Variants in SATB1 observed in about 807,000 individuals in gnomAD.
SATB1 encodes the protein DNA-binding protein SATB1.
Under a neutral mutation model 86.9 loss-of-function variants are expected in SATB1, and 11 were observed. That is an observed-to-expected ratio of 0.13 (90% CI 0.08 to 0.21). The LOEUF (loss-of-function observed/expected upper bound fraction) is 0.21, where lower values mean the gene tolerates loss of function less well. Ranked by LOEUF, SATB1 falls within the 10% of genes least tolerant of loss-of-function variation. The pLI is 1.00. For synonymous variants in SATB1, 357 were observed against 357.2 expected (o/e 1.00, Z 0.01); for missense variants, 551 against 937.6 (o/e 0.59, Z 5.39).
At chr3:18,398,679 T>C (rs1697088326) in intron 5 of SATB1, among the ~76,000 whole-genome samples, 1 of 152,166 alleles carries the variant, frequency 6.6e-6, no homozygotes, top group Non-Finnish European at 1.5e-5. Context: ...TGGAGTCGCA[T>C]TATTTATGTA....
upstream of SATB1, among the ~76,000 whole-genome samples, chr3:18,439,688 G>A (rs550074869): frequency 2.6e-5 from 4 of 152,134 alleles, no homozygotes; most frequent in Non-Finnish European, 5.9e-5. Flanking sequence ...GATGTCAGTG[G>A]AATATGTGAC....
rs367806775 is a variant in SATB1 at position 18,359,657 on chromosome 3, T to C, written c.1576-7462A>G. On this transcript the variant is annotated intron_variant, in intron 9 of 10. Transcript: ENST00000338745. The stretch of plus-strand genomic sequence containing the variant: ...CTTGAATAAGGACTCTGAAAAAAAA[T>C]GTTCCCGTTTTTTTTCTCGTCAGCC... Among the ~76,000 whole-genome samples the C allele has an allele frequency of 3.0e-4, 45 of 152,006 alleles. 1 individual carries two copies. The highest frequency in any genetic ancestry group is 1.0e-3 in the African/African-American group (43 of 41,448).
At chr3:18,393,531 C>T (rs1696801360) in intron 7 of SATB1, among the ~76,000 whole-genome samples, 1 of 152,082 alleles carries the variant, frequency 6.6e-6, no homozygotes. Flanking sequence ...TCTCCATGAC[C>T]CTCTTAAACA....
intron 2 of SATB1, among the ~76,000 whole-genome samples, chr3:18,433,143 A>G (rs1468806204): frequency 6.6e-6 from 1 of 152,206 alleles, no homozygotes; most frequent in Non-Finnish European, 1.5e-5. Context: ...AGCCAAAAAA[A>G]GAGAAAGGCG....
At chr3:18,351,503 A>T in intron 10 of SATB1, 1 of 864,686 alleles carries the variant, frequency 1.2e-6, no homozygotes, top group East Asian at 2.7e-5. Flanking sequence ...GGAAGGGCCA[A>T]GGACTGTAAG....
At chr3:18,420,728 T>C in intron 2 of SATB1, 29 bp downstream of exon 2, 1 of 1,596,652 alleles carries the variant, frequency 6.3e-7, no homozygotes, top group Non-Finnish European at 8.6e-7. Flanking sequence ...GGCTTTCAGC[T>C]TTTCAAGATT....
rs74948346 is a variant in SATB1, at chr3:18,367,200, A to T, written c.1575+10970T>A. On this transcript the variant is annotated intron_variant, in intron 9 of 10. Transcript: ENST00000338745. ...TGATGCAATTCATGTACAAGTTGTTAGGTAAAACATCGGTGAGTTTGCAAA... is the reference window on the plus strand; with the variant it reads ...TGATGCAATTCATGTACAAGTTGTTTGGTAAAACATCGGTGAGTTTGCAAA... 2.9e-3 allele frequency among the ~76,000 whole-genome samples: 445 copies of T among 152,328 alleles called. 2 individuals carry two copies. Among genetic ancestry groups the T allele is most frequent in the African/African-American group, 0.01 (429 of 41,574 alleles).
chr3:18,426,071 A>G (rs557555707), upstream of SATB1, among the ~76,000 whole-genome samples: 17 of 151,764 alleles, frequency 1.1e-4, no homozygotes, highest in Admixed American at 1.1e-3. This position sits in a 1 kb window ranked among gnomAD's most constrained non-coding sequence, Gnocchi z 4.2. Flanking sequence ...AGCCATCAGG[A>G]AGTGGCTGGA....
At chr3:18,387,778 A>G (rs1332774951) in intron 7 of SATB1, among the ~76,000 whole-genome samples, 1 of 152,190 alleles carries the variant, frequency 6.6e-6, no homozygotes. Flanking sequence ...CTGCAGAAAC[A>G]GTTAAAGGTA....
chr3:18,429,371 T>C (rs1219539478), upstream of SATB1, among the ~76,000 whole-genome samples: 1 of 152,222 alleles, frequency 6.6e-6, no homozygotes, highest in Non-Finnish European at 1.5e-5. This position sits in a 1 kb window ranked among gnomAD's most constrained non-coding sequence, Gnocchi z 4.1. Context: ...AAATGCAATA[T>C]CCTGTAAACA....
At chr3:18,439,716 G>A (rs894648240), upstream of SATB1, among the ~76,000 whole-genome samples, 1 of 152,190 alleles carries the variant, frequency 6.6e-6, no homozygotes, top group African/African-American at 2.4e-5. Context: ...TGATAACTGT[G>A]TATAGACAGT....
At position 18,349,272 on chromosome 3, in the gene SATB1, C is replaced by T. The variant is rs749399861; in HGVS notation, c.2190G>A (p.Glu730=). 1.2e-6 allele frequency: 2 copies of T among 1,614,244 alleles called. No individual in the cohort carries two copies. The highest frequency in any genetic ancestry group is 8.5e-7 in the Non-Finnish European group (1 of 1,180,044). ...KEEELLKDLE[E]SVQDKNTNTL... is the part of the protein sequence containing the mutation. ...TGTTAGTATTTTTATCTTGGACACT[C>T]TCTTCCAAATCCTTCAGCAGCTCCT... is the stretch of plus-strand genomic sequence containing the variant. Residue 730 remains glutamate (E), a synonymous_variant, in exon 11 of 11, where the codon GAG becomes GAA. Transcript: ENST00000338745. This position sits in a 1 kb window ranked among gnomAD's most constrained non-coding sequence, Gnocchi z 5.5.
upstream of SATB1, among the ~76,000 whole-genome samples, chr3:18,428,066 T>G (rs1698768230): frequency 6.6e-6 from 1 of 152,242 alleles, no homozygotes; most frequent in Non-Finnish European, 1.5e-5. Flanking sequence ...TGTCTTAGTC[T>G]GTTTTCTGTT....
chr3:18,421,543 C>T (rs1018130346), intron 1 of SATB1, among the ~76,000 whole-genome samples: 11 of 151,928 alleles, frequency 7.2e-5, no homozygotes, highest in African/African-American at 2.7e-4. Flanking sequence ...TTTTAAACTC[C>T]CCATTGGCTT....
At chr3:18,385,380 T>TG (rs1180790764) in intron 8 of SATB1, among the ~76,000 whole-genome samples, 1 of 152,122 alleles carries the variant, frequency 6.6e-6, no homozygotes, top group African/African-American at 2.4e-5. Context: ...CCCAGCACTT[T>TG]GGGAGGCCGA....
chr3:18,389,878 T>C (rs149755288), intron 7 of SATB1, among the ~76,000 whole-genome samples: 7 of 152,230 alleles, frequency 4.6e-5, no homozygotes, highest in Middle Eastern at 3.4e-3. Flanking sequence ...CTGCCTTTCA[T>C]TGGGACTTCA....
chr3:18,399,486 G>A (rs1389010471), intron 5 of SATB1, among the ~76,000 whole-genome samples: 1 of 152,168 alleles, frequency 6.6e-6, no homozygotes, highest in Non-Finnish European at 1.5e-5. Flanking sequence ...TCCATGGTGT[G>A]TGTGAAAAAA....
chr3:18,427,057 CAT>C (rs1250727053), upstream of SATB1, among the ~76,000 whole-genome samples: 1 of 152,050 alleles, frequency 6.6e-6, no homozygotes, highest in Non-Finnish European at 1.5e-5. Flanking sequence ...AAAGAATGAA[CAT>C]GTGATAAACA....
chr3:18,381,649 G>A (rs1284176408), intron 8 of SATB1, among the ~76,000 whole-genome samples: 1 of 151,984 alleles, frequency 6.6e-6, no homozygotes, highest in Non-Finnish European at 1.5e-5. Flanking sequence ...AGAGCAGGCT[G>A]GACTTGTTTT....
Sources: gnomAD v4.1 joint callset for allele counts (sites outside exome capture counted in the v4.1 genomes callset) on GRCh38, gnomAD v4.1.1 for gene constraint, Gnocchi (gnomAD v3.1) non-coding constraint, MANE v1.5 for transcripts, NCBI Gene and HGNC (gene_info 2026-07-23, HGNC 2026-07-21) for gene names.